The following MECOM variants were observed in gnomAD, a reference collection of about 807,000 sequenced individuals.
MECOM encodes the protein MDS1 and EVI1 complex locus.
In MECOM, 13 loss-of-function variants were observed where a neutral mutation model predicts 116.3. That is an observed-to-expected ratio of 0.11 (90% confidence interval 0.07 to 0.18). The LOEUF is 0.18. MECOM is among the 10% of genes least tolerant of loss of function. MECOM has a pLI of 1.00. For missense variants in MECOM, 1,299 were observed against 1,509.0 expected (o/e 0.86, Z 2.31); for synonymous variants, 528 against 535.2 (o/e 0.99, Z 0.19).
chr3:169,650,995 T>A (rs1288891519), intron 1 of MECOM, among the ~76,000 whole-genome samples: 2 of 152,198 alleles, frequency 1.3e-5, no homozygotes, highest in African/African-American at 4.8e-5. Context: ...AAAAGCCCTT[T>A]ATTTCTTTCT....
At chr3:169,096,282 T>C (rs1227164180) in intron 12 of MECOM, among the ~76,000 whole-genome samples, 3 of 151,564 alleles carry the variant, frequency 2.0e-5, no homozygotes, top group Non-Finnish European at 1.5e-5. Context: ...TTTTTTTTTT[T>C]GTTTTTTAGA....
At chr3:169,501,864 A>T (rs1410313022) in intron 1 of MECOM, among the ~76,000 whole-genome samples, 1 of 152,056 alleles carries the variant, frequency 6.6e-6, no homozygotes, top group Non-Finnish European at 1.5e-5. Flanking sequence ...TTAAGGATAA[A>T]ACACTGTGCA....
intron 12 of MECOM, among the ~76,000 whole-genome samples, chr3:169,100,101 C>CTT (rs869032341): frequency 0.042 from 2,132 of 50,180 alleles, 121 homozygotes; most frequent in African/African-American, 0.15. Flanking sequence ...TTCTTTCTTT[C>CTT]TTTTTTTTTT....
At chr3:169,174,856 C>T (rs1559952631) in intron 2 of MECOM, among the ~76,000 whole-genome samples, 2 of 152,284 alleles carry the variant, frequency 1.3e-5, no homozygotes, top group South Asian at 2.1e-4. Flanking sequence ...ATGACCACTG[C>T]TACTCATTAC....
chr3:169,381,174 A>C lies in MECOM; in HGVS notation c.375+13T>G. 6.3e-7 allele frequency: 1 copy of C among 1,587,970 alleles called. No homozygotes were observed. Among genetic ancestry groups the C allele is most frequent in the Non-Finnish European group, 8.6e-7 (1 of 1,162,906 alleles). ...GCAATATATAAATGTGTTAACTCAAAATACATTCTTACCTCCCATCCATAA... is the reference window on the plus strand; with the variant it reads ...GCAATATATAAATGTGTTAACTCAACATACATTCTTACCTCCCATCCATAA... On this transcript the variant is annotated intron_variant, in intron 2 of 16. Transcript: ENST00000651503.
intron 2 of MECOM, among the ~76,000 whole-genome samples, chr3:169,206,630 A>T (rs1577343345): frequency 6.6e-6 from 1 of 151,954 alleles, no homozygotes; most frequent in South Asian, 2.1e-4. Context: ...GCGGGTGCCT[A>T]TAATCCCAGC....
At chr3:169,408,058 C>T (rs1736973152) in intron 1 of MECOM, among the ~76,000 whole-genome samples, 1 of 152,138 alleles carries the variant, frequency 6.6e-6, no homozygotes, top group Admixed American at 6.5e-5. Flanking sequence ...CTGTGAAATG[C>T]CAATATTCTG....
chr3:169,312,964 G>T (rs1363221497), intron 2 of MECOM, among the ~76,000 whole-genome samples: 2 of 152,160 alleles, frequency 1.3e-5, no homozygotes, highest in African/African-American at 4.8e-5. Flanking sequence ...AGCATGAAGA[G>T]AGATGTGAAA....
intron 2 of MECOM, among the ~76,000 whole-genome samples, chr3:169,275,081 T>C (rs1480697137): frequency 1.3e-5 from 2 of 152,192 alleles, no homozygotes; most frequent in African/African-American, 2.4e-5. Flanking sequence ...AGAGTTCTCA[T>C]TGAAGTCCTT....
intron 1 of MECOM, among the ~76,000 whole-genome samples, chr3:169,446,024 T>C (rs537537802): frequency 6.6e-6 from 1 of 152,314 alleles, no homozygotes; most frequent in African/African-American, 2.4e-5. Flanking sequence ...GTTTTTGATT[T>C]TACAGGCTCA....
chr3:169,326,852 A>T (rs942359692), intron 2 of MECOM, among the ~76,000 whole-genome samples: 2 of 152,206 alleles, frequency 1.3e-5, no homozygotes, highest in Non-Finnish European at 2.9e-5. Flanking sequence ...TAATACTATT[A>T]TCATCAAGGA....
At chr3:169,641,345 C>T (rs1231410684) in intron 1 of MECOM, among the ~76,000 whole-genome samples, 4 of 152,272 alleles carry the variant, frequency 2.6e-5, no homozygotes, top group African/African-American at 7.2e-5. Flanking sequence ...ATTTGCATAG[C>T]CACACATCTG....
intron 1 of MECOM, among the ~76,000 whole-genome samples, chr3:169,619,333 C>T (rs1770419202): frequency 1.3e-5 from 2 of 152,166 alleles, no homozygotes; most frequent in Non-Finnish European, 2.9e-5. Context: ...CGCAACACGT[C>T]ACACAGCTCC....
At chr3:169,620,415 G>C (rs1009157180) in intron 1 of MECOM, among the ~76,000 whole-genome samples, 4 of 152,158 alleles carry the variant, frequency 2.6e-5, no homozygotes, top group African/African-American at 7.2e-5. Context: ...AAAATTCTTT[G>C]CCAAATGTTC....
intron 1 of MECOM, among the ~76,000 whole-genome samples, chr3:169,489,899 A>C (rs984060092): frequency 1.3e-5 from 2 of 152,218 alleles, no homozygotes; most frequent in Non-Finnish European, 2.9e-5. Flanking sequence ...AGATTTGACT[A>C]CTTCAAAAAT....
intron 2 of MECOM, among the ~76,000 whole-genome samples, chr3:169,181,740 T>C (rs374579999): frequency 6.6e-6 from 1 of 152,154 alleles, no homozygotes; most frequent in Non-Finnish European, 1.5e-5. Context: ...TAGTTATACC[T>C]GCATCTATCA....
chr3:169,569,305 A>T (rs1763610332), intron 1 of MECOM, among the ~76,000 whole-genome samples: 1 of 152,230 alleles, frequency 6.6e-6, no homozygotes. Context: ...ATATGCACCC[A>T]ATACAAGAGC....
intron 2 of MECOM, among the ~76,000 whole-genome samples, chr3:169,364,814 A>G (rs1728886713): frequency 6.6e-6 from 1 of 151,994 alleles, no homozygotes; most frequent in African/African-American, 2.4e-5. Context: ...TACATTTACC[A>G]AATCAATTTA....
intron 2 of MECOM, among the ~76,000 whole-genome samples, chr3:169,302,234 A>AATGTAGC (rs1276700444): frequency 6.6e-6 from 1 of 152,334 alleles, no homozygotes; most frequent in African/African-American, 2.4e-5. Flanking sequence ...TCCTGTTAGA[A>AATGTAGC]ATGTAGCACA....
Sources: allele counts gnomAD v4.1 joint callset (sites outside exome capture counted in the v4.1 genomes callset), GRCh38; gene constraint gnomAD v4.1.1; transcripts MANE v1.5; gene names NCBI Gene and HGNC (gene_info 2026-07-23, HGNC 2026-07-21).